The following NTM variants were observed in gnomAD, a reference collection of about 807,000 sequenced individuals.
NTM encodes neurotrimin, also known as IgLON family member 2.
A neutral mutation model predicts 42.1 loss-of-function variants in NTM; 13 were observed. The ratio of observed to expected loss-of-function variants is 0.31; its 90% CI spans 0.20 to 0.49. NTM has a LOEUF of 0.49. NTM is among the 20% of genes least tolerant of loss of function. The pLI, the probability that NTM is intolerant of heterozygous loss-of-function variation, is 0.99. For synonymous variants in NTM, 187 were observed against 179.2 expected, an observed-to-expected ratio of 1.04 and a Z score of -0.35; for missense variants, 373 against 452.8, an observed-to-expected ratio of 0.82 and a Z score of 1.60.
At chr11:131,759,021 T>C (rs1283916326) in intron 1 of NTM, among the ~76,000 whole-genome samples, 1 of 152,222 alleles carries the variant, frequency 6.6e-6, no homozygotes, top group African/African-American at 2.4e-5. Context: ...CATTTCATCT[T>C]TGAGAAGTTT....
chr11:131,715,056 T>A (rs1773501640), intron 1 of NTM, among the ~76,000 whole-genome samples: 1 of 152,218 alleles, frequency 6.6e-6, no homozygotes, highest in African/African-American at 2.4e-5. Context: ...CCAGGAATAG[T>A]CACCATAACA....
chr11:132,061,936 G>T (rs977421693), intron 2 of NTM, among the ~76,000 whole-genome samples: 3 of 151,988 alleles, frequency 2.0e-5, no homozygotes, highest in Admixed American at 2.0e-4. Flanking sequence ...GTGAGTGCGT[G>T]TGTGTGTGTG....
chr11:131,511,626 C>G (rs949686848), intron 1 of NTM, among the ~76,000 whole-genome samples: 1 of 149,664 alleles, frequency 6.7e-6, no homozygotes, highest in African/African-American at 2.4e-5. Flanking sequence ...GGTCTCATCT[C>G]TGCTTAGGAT....
At chr11:131,418,629 C>T (rs1388853066) in intron 1 of NTM, among the ~76,000 whole-genome samples, 1 of 152,230 alleles carries the variant, frequency 6.6e-6, no homozygotes, top group Non-Finnish European at 1.5e-5. Context: ...CACACATCCA[C>T]TCACAGACTA....
chr11:131,541,127 G>A (rs74730945), intron 1 of NTM, among the ~76,000 whole-genome samples: 4,077 of 152,276 alleles, frequency 0.027, 188 homozygotes, highest in African/African-American at 0.093. Context: ...CTGATGAGAG[G>A]TCTAAAGGAG....
intron 1 of NTM, among the ~76,000 whole-genome samples, chr11:131,726,900 G>A (rs2079038628): frequency 6.6e-6 from 1 of 151,240 alleles, no homozygotes; most frequent in South Asian, 2.1e-4. Flanking sequence ...CAGAGACGGG[G>A]CTGGTCGTCA....
intron 4 of NTM, among the ~76,000 whole-genome samples, chr11:132,264,432 A>G (rs1194047016): frequency 3.9e-5 from 6 of 152,244 alleles, no homozygotes; most frequent in Admixed American, 1.3e-4. Flanking sequence ...TAAAGGGTGC[A>G]GATATCCCTC....
chr11:132,199,263 AT>A lies in NTM; in HGVS notation c.401-12758del, dbSNP rs2080790136. Among the ~76,000 whole-genome samples the A allele has an allele frequency of 2.6e-5, 4 of 152,360 alleles. No individual in the cohort carries two copies. In the South Asian group the frequency reaches 8.3e-4, roughly 32 times the overall value. ...GTTTGGTGACTGCAAAGCATGGTAC[AT>A]AGAGTGTAGTTCACCTAATTCATAT... On this transcript the variant is annotated intron_variant, in intron 3 of 8. Coordinates refer to ENST00000683400, the MANE Select transcript of NTM (RefSeq NM_001352005.2).
chr11:131,654,713 G>A (rs1410549404), intron 1 of NTM, among the ~76,000 whole-genome samples: 6 of 151,944 alleles, frequency 3.9e-5, no homozygotes, highest in Non-Finnish European at 8.8e-5. Flanking sequence ...GTTAAAAAGG[G>A]CCTGGCACCT....
At chr11:132,162,612 C>A (rs2074547241) in intron 3 of NTM, among the ~76,000 whole-genome samples, 1 of 104,418 alleles carries the variant, frequency 9.6e-6, no homozygotes, top group Admixed American at 1.0e-4. Flanking sequence ...GTGTGGGGGA[C>A]ATGTGTGAGT....
Position 131,400,412 on chromosome 11 carries a change from G to A in NTM, c.82+29524G>A, listed in dbSNP as rs544693409. The stretch of plus-strand genomic sequence containing the variant: ...TGCACAATCTTTATTCCCGGACCGT[G>A]TCTCTAGTTTAAATTCCTGGAGTGT... On this transcript the variant is annotated intron_variant, in intron 1 of 8. Coordinates refer to ENST00000683400, the MANE Select transcript of NTM (RefSeq NM_001352005.2). Among the ~76,000 whole-genome samples the A allele has an allele frequency of 2.6e-5, 4 of 152,256 alleles. No homozygotes were observed. In the East Asian group the frequency reaches 7.7e-4, roughly 29 times the overall value.
chr11:131,952,950 A>C (rs781618215), intron 2 of NTM, among the ~76,000 whole-genome samples: 23 of 152,146 alleles, frequency 1.5e-4, no homozygotes, highest in Non-Finnish European at 2.8e-4. Flanking sequence ...TGTTATTCTG[A>C]TCTTGTGGTG....
chr11:132,202,985 G>A (rs571189167), intron 3 of NTM, among the ~76,000 whole-genome samples: 38 of 152,272 alleles, frequency 2.5e-4, no homozygotes, highest in African/African-American at 8.7e-4. Context: ...ATCCACTGAG[G>A]TTATGCCATT....
intron 2 of NTM, among the ~76,000 whole-genome samples, chr11:131,981,723 A>G (rs2065263704): frequency 6.6e-6 from 1 of 152,146 alleles, no homozygotes; most frequent in Non-Finnish European, 1.5e-5. Flanking sequence ...GAAAGGAGAG[A>G]AAACAGGCCT....
At chr11:131,663,089 T>C (rs1054589158) in intron 1 of NTM, 6 of 152,204 alleles carry the variant, frequency 3.9e-5, no homozygotes, top group Non-Finnish European at 5.9e-5. Flanking sequence ...GTGTAGTGTT[T>C]ACAGGCACCC....
At chr11:132,331,332 C>G (rs1403674426) in intron 8 of NTM, among the ~76,000 whole-genome samples, 2 of 152,188 alleles carry the variant, frequency 1.3e-5, no homozygotes, top group African/African-American at 4.8e-5. Flanking sequence ...GAAATCCTAA[C>G]TGACATGGCT....
chr11:131,700,454 C>T (rs892363336), intron 1 of NTM, among the ~76,000 whole-genome samples: 6 of 152,104 alleles, frequency 3.9e-5, no homozygotes, highest in African/African-American at 1.4e-4. Flanking sequence ...ATATCTCTCG[C>T]CAAGACCTGT....
intron 1 of NTM, among the ~76,000 whole-genome samples, chr11:131,382,663 C>T (rs185263302): frequency 2.8e-3 from 424 of 152,206 alleles, no homozygotes; most frequent in Middle Eastern, 0.014. Context: ...CTATCATAGA[C>T]CCTACTTATC....
At chr11:131,843,781 A>T (rs1282890614) in intron 1 of NTM, among the ~76,000 whole-genome samples, 1 of 152,142 alleles carries the variant, frequency 6.6e-6, no homozygotes, top group Non-Finnish European at 1.5e-5. Flanking sequence ...AGTGTGGTTG[A>T]ACATCTTTTT....
Sources: allele counts gnomAD v4.1 joint callset (sites outside exome capture counted in the v4.1 genomes callset), GRCh38; gene constraint gnomAD v4.1.1; transcripts MANE v1.5; gene names NCBI Gene and HGNC (gene_info 2026-07-23, HGNC 2026-07-21).